The following SCHIP1 variants were observed in gnomAD, a reference collection of about 807,000 sequenced individuals.
SCHIP1 encodes the protein schwannomin-interacting protein 1.
In SCHIP1, 8 loss-of-function variants were observed where a neutral mutation model predicts 29.7. That is an observed-to-expected ratio of 0.27 (90% CI 0.16 to 0.49). SCHIP1 has a LOEUF of 0.49. Among genes scored for constraint, SCHIP1 ranks in the 20% least tolerant of loss-of-function variants. SCHIP1 has a pLI of 0.99. For synonymous variants in SCHIP1, 76 were observed against 94.9 expected, an observed-to-expected ratio of 0.80 and a Z score of 1.16; for missense variants, 193 against 294.6, an observed-to-expected ratio of 0.66 and a Z score of 2.52.
At chr3:159,329,031 A>G in the SCHIP1 span, among the ~76,000 whole-genome samples, 1 of 152,158 alleles carries the variant, frequency 6.6e-6, no homozygotes, top group Non-Finnish European at 1.5e-5. Flanking sequence ...AAAGAGTCTT[A>G]GATCCTTTTC....
At chr3:159,651,784 AC>A in the SCHIP1 span, among the ~76,000 whole-genome samples, 3 of 152,170 alleles carry the variant, frequency 2.0e-5, no homozygotes, top group African/African-American at 7.2e-5. Flanking sequence ...TTGTTGAACT[AC>A]TCAAAATATT....
At chr3:159,626,253 TAG>T in the SCHIP1 span, among the ~76,000 whole-genome samples, 46 of 64,224 alleles carry the variant, frequency 7.2e-4, no homozygotes, top group Admixed American at 3.5e-3. Context: ...TCTATCTATA[TAG>T]ATAGATAGAT....
At chr3:159,830,558 A>G in the SCHIP1 span, among the ~76,000 whole-genome samples, 1 of 152,168 alleles carries the variant, frequency 6.6e-6, no homozygotes. Context: ...CTCTCAGGTA[A>G]ATTTCTTATT....
the SCHIP1 span, among the ~76,000 whole-genome samples, chr3:159,441,208 T>C: frequency 1.3e-5 from 2 of 152,174 alleles, no homozygotes; most frequent in African/African-American, 2.4e-5. Flanking sequence ...CCTTGTAATA[T>C]GCGCTTTTCA....
chr3:159,335,990 T>C, the SCHIP1 span, among the ~76,000 whole-genome samples: 1 of 152,228 alleles, frequency 6.6e-6, no homozygotes, highest in African/African-American at 2.4e-5. Context: ...TTTCTCCACA[T>C]GCTCTCCAGC....
At chr3:159,402,309 A>G in the SCHIP1 span, among the ~76,000 whole-genome samples, 1 of 152,198 alleles carries the variant, frequency 6.6e-6, no homozygotes, top group Non-Finnish European at 1.5e-5. Context: ...GTGGAGAAAT[A>G]GGAACACTTT....
At chr3:159,333,514 T>TACACACAC in the SCHIP1 span, among the ~76,000 whole-genome samples, 99 of 151,334 alleles carry the variant, frequency 6.5e-4, 1 homozygote, top group South Asian at 9.6e-3. Context: ...TACACAAACA[T>TACACACAC]ACACACACAC....
At chr3:159,692,516 G>A in the SCHIP1 span, among the ~76,000 whole-genome samples, 15 of 151,924 alleles carry the variant, frequency 9.9e-5, no homozygotes, top group African/African-American at 1.7e-4. Flanking sequence ...CAATCAATTC[G>A]GCTATTGATA....
At chr3:159,513,418 A>G in the SCHIP1 span, among the ~76,000 whole-genome samples, 1 of 152,306 alleles carries the variant, frequency 6.6e-6, no homozygotes, top group East Asian at 1.9e-4. Flanking sequence ...AGGTTACTTA[A>G]CCATAATTAT....
the SCHIP1 span, among the ~76,000 whole-genome samples, chr3:159,541,796 C>A: frequency 6.6e-6 from 1 of 151,958 alleles, no homozygotes; most frequent in South Asian, 2.1e-4. Context: ...ATGCAGTTTG[C>A]CTTGTATGAG....
intron 2 of SCHIP1, among the ~76,000 whole-genome samples, chr3:159,885,639 T>A (rs1284498647): frequency 6.6e-6 from 1 of 152,228 alleles, no homozygotes; most frequent in Admixed American, 6.5e-5. Flanking sequence ...TTTTTTTAAG[T>A]GTGAACCTGT....
At chr3:159,823,728 T>G in the SCHIP1 span, among the ~76,000 whole-genome samples, 1 of 152,350 alleles carries the variant, frequency 6.6e-6, no homozygotes, top group East Asian at 1.9e-4. Context: ...CTGGTTTCTC[T>G]CTACTTCCAT....
Position 159,861,194 on chromosome 3 carries a change from C to T in SCHIP1, c.31-4969C>T, listed in dbSNP as rs756386178. On this transcript the variant is annotated intron_variant, in intron 1 of 6. Transcript: ENST00000445224. The surrounding 1 kb of genome is among the most constrained non-coding windows in gnomAD (Gnocchi z 4.1). ...TTGCTTCAGAGACACCACAATGCTG[C>T]TAGTAAGGTGGGCTGGGCCAGAGGC... 1.3e-5 allele frequency among the ~76,000 whole-genome samples: 2 copies of T among 152,034 alleles called. No individual in the cohort carries two copies. The highest frequency in any genetic ancestry group is 2.9e-5 in the Non-Finnish European group (2 of 68,026).
the SCHIP1 span, among the ~76,000 whole-genome samples, chr3:159,795,215 CAAACT>C: frequency 6.6e-6 from 1 of 152,162 alleles, no homozygotes; most frequent in Non-Finnish European, 1.5e-5. Context: ...AGGATAGAAC[CAAACT>C]TAGACATTTG....
At chr3:159,576,233 A>T in the SCHIP1 span, among the ~76,000 whole-genome samples, 1 of 152,212 alleles carries the variant, frequency 6.6e-6, no homozygotes, top group Non-Finnish European at 1.5e-5. Context: ...AAACATGTAC[A>T]ATTCTTACAT....
At chr3:159,339,612 A>G in the SCHIP1 span, among the ~76,000 whole-genome samples, 8 of 152,184 alleles carry the variant, frequency 5.3e-5, no homozygotes, top group African/African-American at 1.7e-4. Flanking sequence ...TAATAGTTTG[A>G]TAGATGTGCC....
the SCHIP1 span, among the ~76,000 whole-genome samples, chr3:159,635,530 T>C: frequency 6.6e-6 from 1 of 152,204 alleles, no homozygotes; most frequent in Non-Finnish European, 1.5e-5. Context: ...TTCTTCCTTC[T>C]GGTTTGTAAG....
the SCHIP1 span, among the ~76,000 whole-genome samples, chr3:159,469,266 A>T: frequency 2.0e-5 from 3 of 152,164 alleles, no homozygotes; most frequent in African/African-American, 7.2e-5. Flanking sequence ...TGAATTTTAA[A>T]TCCCATGTGT....
the SCHIP1 span, among the ~76,000 whole-genome samples, chr3:159,717,776 T>A: frequency 6.6e-6 from 1 of 152,300 alleles, no homozygotes; most frequent in Non-Finnish European, 1.5e-5. Flanking sequence ...ACCAGATGGA[T>A]TCACAGCCAA....
Sources: allele counts gnomAD v4.1 joint callset (sites outside exome capture counted in the v4.1 genomes callset), GRCh38; gene constraint gnomAD v4.1.1; non-coding constraint Gnocchi (gnomAD v3.1); transcripts MANE v1.5; gene names NCBI Gene and HGNC (gene_info 2026-07-23, HGNC 2026-07-21).